APC: variants seen among roughly 807,000 people sequenced by gnomAD.
APC encodes adenomatous polyposis coli protein.
A neutral mutation model predicts 247.0 loss-of-function variants in APC; 72 were observed. The observed-to-expected ratio is 0.29, with a 90% CI of 0.24 to 0.35. The LOEUF (loss-of-function observed/expected upper bound fraction) is 0.35, where lower values mean the gene tolerates loss of function less well. APC is among the 10% of genes least tolerant of loss of function. APC has a pLI of 1.00. For synonymous variants in APC, 1,254 were observed against 1,162.5 expected, an observed-to-expected ratio of 1.08 and a Z score of -1.60; for missense variants, 3,400 against 3,360.7, an observed-to-expected ratio of 1.01 and a Z score of -0.29.
chr5:112,828,568 C>A (rs951065559), intron 13 of APC, among the ~76,000 whole-genome samples: 4 of 151,860 alleles, frequency 2.6e-5, no homozygotes, highest in African/African-American at 9.7e-5. Context: ...CTTCAGCCTC[C>A]CAAGTAGCTA....
At chr5:112,746,973 A>G (rs1753754950) in intron 1 of APC, among the ~76,000 whole-genome samples, 1 of 152,206 alleles carries the variant, frequency 6.6e-6, no homozygotes. Context: ...TAGAATTAGT[A>G]GCTTTTATAT....
At chr5:112,835,212 C>T (rs1764753821) in intron 15 of APC, 47 bp downstream of exon 15, 1 of 1,474,580 alleles carries the variant, frequency 6.8e-7, no homozygotes, top group Non-Finnish European at 9.3e-7. Context: ...AATTCATACT[C>T]TCAAAAAGAC....
intron 1 of APC, among the ~76,000 whole-genome samples, chr5:112,728,110 C>T (rs1751894978): frequency 6.6e-6 from 1 of 151,354 alleles, no homozygotes; most frequent in African/African-American, 2.4e-5. Context: ...CATCAGCTGT[C>T]GATAGTGTTA....
chr5:112,825,549 T>G (rs530476411), intron 11 of APC, among the ~76,000 whole-genome samples: 2 of 152,278 alleles, frequency 1.3e-5, no homozygotes, highest in East Asian at 3.9e-4. Context: ...TGCCCCACCC[T>G]TGTTAGATAC....
intron 4 of APC, among the ~76,000 whole-genome samples, chr5:112,768,363 C>CAA (rs200950003): frequency 1.8e-5 from 2 of 113,164 alleles, no homozygotes; most frequent in Non-Finnish European, 1.9e-5. Context: ...GTCTCTTTAC[C>CAA]AAAAAAAAAA....
At chr5:112,721,670 A>G (rs1350749787) in intron 1 of APC, among the ~76,000 whole-genome samples, 1 of 152,154 alleles carries the variant, frequency 6.6e-6, no homozygotes, top group Non-Finnish European at 1.5e-5. Flanking sequence ...GAGGGTACAC[A>G]GTTGGGTATC....
chr5:112,776,336 G>A (rs950302407), intron 5 of APC, among the ~76,000 whole-genome samples: 6 of 152,078 alleles, frequency 3.9e-5, no homozygotes, highest in African/African-American at 9.7e-5. Flanking sequence ...TGAAAAGATC[G>A]AACCTGCATA....
chr5:112,781,217 T>G (rs1758313687), intron 6 of APC, among the ~76,000 whole-genome samples: 2 of 152,172 alleles, frequency 1.3e-5, no homozygotes, highest in African/African-American at 4.8e-5. Flanking sequence ...TTACTTCTTG[T>G]AATCTTAGAC....
chr5:112,741,882 C>A (rs1036469708), intron 1 of APC, among the ~76,000 whole-genome samples: 1 of 151,850 alleles, frequency 6.6e-6, no homozygotes, highest in Non-Finnish European at 1.5e-5. Context: ...AATATTTATT[C>A]TTTTGCACCT....
chr5:112,837,662 A>G lies in APC; in HGVS notation c.2068A>G (p.Arg690Gly), dbSNP rs1561574634. The G allele has an allele frequency of 6.2e-7, 1 of 1,614,020 alleles. No individual in the cohort carries two copies. Among genetic ancestry groups the G allele is most frequent in the Non-Finnish European group, 8.5e-7 (1 of 1,179,880 alleles). ...TGGAACTTTGTGGAATCTCTCAGCA[A>G]GAAATCCTAAAGACCAGGAAGCATT... ...ACGTLWNLSA[R>G]NPKDQEALWD... is the part of the protein sequence containing the mutation. Residue 690 changes from arginine to glycine, a missense_variant, in exon 16 of 16, where the codon AGA becomes GGA. This residue lies in a region of APC where 184 missense variants were observed against 248.0 expected (regional missense o/e 0.74). Coordinates refer to ENST00000257430, the MANE Select transcript of APC (RefSeq NM_000038.6).
chr5:112,752,689 TTATGACTTCACAAATTTTG>T (rs1414222112), intron 1 of APC, among the ~76,000 whole-genome samples: 2 of 152,298 alleles, frequency 1.3e-5, no homozygotes, highest in African/African-American at 2.4e-5. Flanking sequence ...CAAAGTAAAT[TTATGACTTCACAAATTTTG>T]TATGACTTCA....
At chr5:112,767,599 C>G (rs1271017900) in intron 4 of APC, among the ~76,000 whole-genome samples, 2 of 151,992 alleles carry the variant, frequency 1.3e-5, no homozygotes, top group African/African-American at 4.8e-5. Context: ...TTCTGAAGAC[C>G]TATTTTGTCA....
chr5:112,789,739 T>G (rs897918330), intron 6 of APC, among the ~76,000 whole-genome samples: 6 of 152,214 alleles, frequency 3.9e-5, no homozygotes, highest in Non-Finnish European at 8.8e-5. Context: ...GCCACCTGGT[T>G]ATGGAAATGA....
intron 1 of APC, among the ~76,000 whole-genome samples, chr5:112,708,856 C>T (rs935931984): frequency 6.6e-6 from 1 of 152,200 alleles, no homozygotes; most frequent in East Asian, 1.9e-4. Context: ...AGTACTCCCT[C>T]CTTTATTAGT....
intron 1 of APC, among the ~76,000 whole-genome samples, chr5:112,717,908 C>CTTTTTCTTTTTTTTTTTTTTTTTTT (rs1751264440): frequency 4.9e-5 from 2 of 40,634 alleles, no homozygotes; most frequent in Non-Finnish European, 9.0e-5. Flanking sequence ...TTTTCTTTTT[C>CTTTTTCTTTTTTTTTTTTTTTTTTT]TTTTTTTTTT....
intron 4 of APC, among the ~76,000 whole-genome samples, chr5:112,769,886 A>C (rs1756834982): frequency 6.6e-6 from 1 of 152,160 alleles, no homozygotes; most frequent in Admixed American, 6.5e-5. Context: ...TTTATTTCTT[A>C]AGTTTACATA....
chr5:112,717,908 C>CTTTTTTTTTTTTTTTTTTTTT, intron 1 of APC, among the ~76,000 whole-genome samples: 1,059 of 40,694 alleles, frequency 0.026, 397 homozygotes, highest in Middle Eastern at 0.037. Flanking sequence ...TTTTCTTTTT[C>CTTTTTTTTTTTTTTTTTTTTT]TTTTTTTTTT....
rs2149890957 is a variant in APC at position 112,838,984 on chromosome 5, T to C, written c.3390T>C (p.Cys1130=). The change falls in exon 16 of 16, where the codon TGT becomes TGC. Residue 1130 remains cysteine (C), a synonymous_variant. Transcript: ENST00000257430. ...ATCAAAATGTAAGCCAGTCTTTGTG[T>C]CAAGAAGATGACTATGAAGATGATA... ...GINQNVSQSL[C]QEDDYEDDKP... 1 of 1,614,088 alleles carries C rather than the reference T, an allele frequency of 6.2e-7. No homozygotes were observed. The highest frequency in any genetic ancestry group is 8.5e-7 in the Non-Finnish European group (1 of 1,180,010).
Position 112,841,153 on chromosome 5 carries a change from T to G in APC, c.5559T>G (p.Pro1853=), listed in dbSNP as rs1407859071. The change falls in exon 16 of 16, where the codon CCT becomes CCG. Residue 1853 remains proline, a synonymous_variant. Transcript: ENST00000257430. The surrounding 1 kb of genome is among the most constrained non-coding windows in gnomAD (Gnocchi z 4.6). The part of the protein sequence containing the change: ...PHHYTPIEGT[P]YCFSRNDSLS... ...ATTACACGCCTATTGAAGGAACTCC[T>G]TACTGTTTTTCACGAAATGATTCTT... 2 of 1,613,736 alleles carry G rather than the reference T, an allele frequency of 1.2e-6. No homozygotes were observed. Among genetic ancestry groups the G allele is most frequent in the South Asian group, 1.1e-5 (1 of 91,074 alleles).
Sources: gnomAD v4.1 joint callset for allele counts (sites outside exome capture counted in the v4.1 genomes callset) on GRCh38, gnomAD v4.1.1 for gene constraint, gnomAD v4.1.1 regional missense constraint, Gnocchi (gnomAD v3.1) non-coding constraint, MANE v1.5 for transcripts, NCBI Gene and HGNC (gene_info 2026-07-23, HGNC 2026-07-21) for gene names.